Variants in WDR53 observed in about 807,000 individuals in gnomAD.
WDR53 encodes WD repeat-containing protein 53.
In WDR53, 19 loss-of-function variants were observed where a neutral mutation model predicts 21.3. The observed-to-expected ratio is 0.89, with a 90% CI of 0.62 to 1.31. The LOEUF (loss-of-function observed/expected upper bound fraction) is 1.31. Among genes scored for constraint, WDR53 ranks in the 50% most tolerant of loss-of-function variants. The probability of loss-of-function intolerance (pLI) is 0.00; values close to 1 mark genes in which losing one functional copy is unlikely to be tolerated. For synonymous variants in WDR53, 157 were observed against 163.4 expected (o/e 0.96, Z 0.30); for missense variants, 374 against 423.2 (o/e 0.88, Z 1.02).
intron 3 of WDR53, among the ~76,000 whole-genome samples, chr3:196,560,400 C>T (rs1018458557): frequency 3.3e-5 from 5 of 152,122 alleles, no homozygotes; most frequent in Admixed American, 1.3e-4. Context: ...CACCACCACG[C>T]CTGGCTAATT....
At chr3:196,563,257 A>G (rs150922000) in intron 2 of WDR53, among the ~76,000 whole-genome samples, 64 of 152,306 alleles carry the variant, frequency 4.2e-4, no homozygotes, top group African/African-American at 1.4e-3. Flanking sequence ...CTCATCCTCT[A>G]GGAATCCCAG....
chr3:196,556,231 G>A (rs1227053869), intron 3 of WDR53, among the ~76,000 whole-genome samples: 3 of 152,042 alleles, frequency 2.0e-5, no homozygotes, highest in African/African-American at 4.8e-5. Context: ...TTTTTTTGTA[G>A]AGATGGGGTT....
Position 196,561,302 on chromosome 3 carries a change from T to TA in WDR53, c.173dup (p.Leu58PhefsTer19), listed in dbSNP as rs1175240222. 2.5e-6 allele frequency: 4 copies of TA among 1,614,004 alleles called. No homozygotes were observed. The highest frequency in any genetic ancestry group is 3.4e-6 in the Non-Finnish European group (4 of 1,180,030). On this transcript the variant is annotated frameshift_variant, in exon 3 of 4. Coordinates refer to ENST00000332629, the MANE Select transcript of WDR53 (RefSeq NM_182627.3). LOFTEE classifies it high-confidence loss of function. ...GCTTGGTGGGACAGGAGGGAGAAAATAAGACACTGGTAACATCATCAGCCC... is the reference window on the plus strand; with the variant it reads ...GCTTGGTGGGACAGGAGGGAGAAAATAAAGACACTGGTAACATCATCAGCCC...
At chr3:196,559,533 G>A (rs990701411) in intron 3 of WDR53, among the ~76,000 whole-genome samples, 1 of 152,176 alleles carries the variant, frequency 6.6e-6, no homozygotes, top group Non-Finnish European at 1.5e-5. Context: ...CAGTTATGAG[G>A]GGTATGCAGG....
chr3:196,562,097 G>C (rs1734930466), intron 2 of WDR53, among the ~76,000 whole-genome samples: 1 of 152,174 alleles, frequency 6.6e-6, no homozygotes, highest in Admixed American at 6.5e-5. Context: ...CCGGTGCAAA[G>C]CGGCATTACA....
At chr3:196,561,528 T>C (rs1734873405) in intron 2 of WDR53, 37 bp from the exon 3 acceptor site, 2 of 1,542,070 alleles carry the variant, frequency 1.3e-6, no homozygotes, top group Admixed American at 2.1e-5. Context: ...TCTCATGTTT[T>C]ATACATCGAC....
Position 196,561,465 on chromosome 3 carries a change from T to C in WDR53, c.11A>G (p.Lys4Arg), listed in dbSNP as rs919938404. The C allele has an allele frequency of 4.3e-6, 7 of 1,612,342 alleles. No homozygotes were observed. Among genetic ancestry groups the C allele is most frequent in the African/African-American group, 1.3e-5 (1 of 74,880 alleles). ...AGGAGAAGAATGCCCACCCGTCCAC[T>C]TGACTGCCATAATGGTCCCGGAGAC... MAVKWTGGHSSPVL... is the reference protein window; with the variant it reads MAVRWTGGHSSPVL... The change falls in exon 3 of 4, where the codon AAG (lysine) becomes AGG (arginine). Residue 4 changes from lysine to arginine, a missense_variant. Transcript: ENST00000332629.
chr3:196,561,131 A>C lies in WDR53; in HGVS notation c.345T>G (p.Ser115=), dbSNP rs58125701. The change falls in exon 3 of 4, where the codon TCT becomes TCG. Residue 115 remains serine (S), a synonymous_variant. Transcript: ENST00000332629. ...TENLLASADD[S]GAIKILDLEN... ...CCAAGTCTAGGATTTTGATTGCCCC[A>C]GAGTCGTCAGCAGAAGCCAGCAGGT... is the stretch of plus-strand genomic sequence containing the variant. The C allele has an allele frequency of 1.2e-6, 2 of 1,614,202 alleles. No homozygotes were observed. The highest frequency in any genetic ancestry group is 1.7e-5 in the Admixed American group (1 of 60,032).
Position 196,561,219 on chromosome 3 carries a change from G to A in WDR53, c.257C>T (p.Ser86Phe), listed in dbSNP as rs1458197034. The part of the protein sequence containing the change: ...SVLDVRSLKD[S>F]LDHFHVNEEE... ...TTCATTCACATGAAAATGGTCCAAG[G>A]AATCTTTGAGGGACCTGACATCCAG... Residue 86 changes from serine (S) to phenylalanine (F), a missense_variant, in exon 3 of 4, where the codon TCC (serine) becomes TTC (phenylalanine). Physicochemically the swap from Ser to Phe is radical, Grantham distance 155. Coordinates refer to ENST00000332629, the MANE Select transcript of WDR53 (RefSeq NM_182627.3). 2 of 1,614,202 alleles carry A rather than the reference G, an allele frequency of 1.2e-6. No individual in the cohort carries two copies. Among genetic ancestry groups the A allele is most frequent in the East Asian group, 4.5e-5 (2 of 44,890 alleles).
At position 196,554,496 on chromosome 3, in the gene WDR53, C is replaced by A. The variant is rs752739780; in HGVS notation, c.792G>T (p.Lys264Asn). The change falls in exon 4 of 4, where the codon AAG (lysine) becomes AAT (asparagine). Residue 264 changes from lysine (K) to asparagine (N), a missense_variant. By Grantham distance (94) the Lys-to-Asn change is moderately conservative. Coordinates refer to ENST00000332629, the MANE Select transcript of WDR53 (RefSeq NM_182627.3). ...CACTGTTTGCATCCCACAACGTGATCTTCCCATCATTCCCTCCAGTAAGCA... is the reference window on the plus strand; with the variant it reads ...CACTGTTTGCATCCCACAACGTGATATTCCCATCATTCCCTCCAGTAAGCA... ...YLLLTGGNDG[K>N]ITLWDANSEV... 42 of 1,613,988 alleles carry A rather than the reference C, an allele frequency of 2.6e-5. No individual in the cohort carries two copies. The Admixed American group carries it at 6.5e-4, about 25-fold the overall frequency.
At chr3:196,555,108 C>T (rs1734215107) in intron 3 of WDR53, among the ~76,000 whole-genome samples, 1 of 152,150 alleles carries the variant, frequency 6.6e-6, no homozygotes, top group African/African-American at 2.4e-5. Flanking sequence ...TTTTTCTGCT[C>T]TCATCTCTTC....
At chr3:196,560,190 ACT>A (rs1161044910) in intron 3 of WDR53, among the ~76,000 whole-genome samples, 1 of 151,158 alleles carries the variant, frequency 6.6e-6, no homozygotes, top group African/African-American at 2.4e-5. Context: ...AGATACATCT[ACT>A]CTCCTGATGG....
At position 196,559,701 on chromosome 3, in the gene WDR53, C is replaced by T. The variant is rs113812137; in HGVS notation, c.480+1295G>A. Among the ~76,000 whole-genome samples the T allele has an allele frequency of 3.5e-3, 532 of 152,248 alleles. 1 individual carries two copies. The highest frequency in any genetic ancestry group is 6.3e-3 in the Non-Finnish European group (431 of 68,000). ...GACACATCGGTCATTCACAATGGTT[C>T]TCTCTCTAGAAGCCACCTGACCCCA... On this transcript the variant is annotated intron_variant, in intron 3 of 3. Coordinates refer to ENST00000332629, the MANE Select transcript of WDR53 (RefSeq NM_182627.3).
intron 3 of WDR53, among the ~76,000 whole-genome samples, chr3:196,560,393 C>A (rs1734718341): frequency 6.6e-6 from 1 of 152,122 alleles, no homozygotes; most frequent in African/African-American, 2.4e-5. Context: ...AGGAGCCCAC[C>A]ACCACGCCTG....
At chr3:196,567,752 TG>T (rs1735560926) in intron 1 of WDR53, among the ~76,000 whole-genome samples, 1 of 2,572 alleles carries the variant, frequency 3.9e-4, no homozygotes, top group Non-Finnish European at 6.6e-4. Context: ...CTGAAATTCT[TG>T]TGTGTGTGTG....
chr3:196,557,209 A>G (rs1450417619), intron 3 of WDR53, among the ~76,000 whole-genome samples: 2 of 152,242 alleles, frequency 1.3e-5, no homozygotes, highest in Non-Finnish European at 2.9e-5. Context: ...CCCTTTTACA[A>G]AAACATTTCT....
At chr3:196,562,453 G>A (rs1734971953) in intron 2 of WDR53, among the ~76,000 whole-genome samples, 1 of 151,772 alleles carries the variant, frequency 6.6e-6, no homozygotes, top group East Asian at 1.9e-4. Flanking sequence ...GTAGAGACGG[G>A]GTTTCACCAT....
At chr3:196,561,614 C>A in intron 2 of WDR53, 123 bp from the exon 3 acceptor site, 38 of 934,182 alleles carry the variant, frequency 4.1e-5, no homozygotes, top group Non-Finnish European at 5.2e-5. Flanking sequence ...TAAAAAAACT[C>A]AATTAATTAA....
At chr3:196,557,776 TTTC>T (rs1358952800) in intron 3 of WDR53, among the ~76,000 whole-genome samples, 4 of 129,422 alleles carry the variant, frequency 3.1e-5, no homozygotes, top group Non-Finnish European at 3.5e-5. Context: ...TTTAATTTTT[TTTC>T]TTTTCTTTTT....
Sources: gnomAD v4.1 joint callset for allele counts (sites outside exome capture counted in the v4.1 genomes callset) on GRCh38, gnomAD v4.1.1 for gene constraint, MANE v1.5 for transcripts, NCBI Gene and HGNC (gene_info 2026-07-23, HGNC 2026-07-21) for gene names.